UGT1A8: variants seen among roughly 807,000 people sequenced by gnomAD.
UGT1A8 encodes the protein UDP-glucuronosyltransferase 1A8.
In UGT1A8, 39 loss-of-function variants were observed where a neutral mutation model predicts 45.3. That is an observed-to-expected ratio of 0.86 (90% CI 0.67 to 1.12). UGT1A8 has a LOEUF of 1.12. Among genes scored for constraint, UGT1A8 ranks in the 50% most tolerant of loss-of-function variants. The probability of loss-of-function intolerance (pLI) is 0.00; values close to 1 mark genes in which losing one functional copy is unlikely to be tolerated. For synonymous variants in UGT1A8, 275 were observed against 249.2 expected (o/e 1.10, Z -0.97); for missense variants, 719 against 664.9 (o/e 1.08, Z -0.90).
rs1268125630 is a variant in UGT1A8 at position 233,618,378 on chromosome 2, C to T, written c.671C>T (p.Ser224Phe). 6.2e-7 allele frequency: 1 copy of T among 1,613,718 alleles called. No individual in the cohort carries two copies. Among genetic ancestry groups the T allele is most frequent in the South Asian group, 1.1e-5 (1 of 91,068 alleles). Residue 224 changes from serine (S) to phenylalanine (F), a missense_variant, in exon 1 of 5, where the codon TCC (serine) becomes TTC (phenylalanine). Ser to Phe is a radical substitution (Grantham distance 155). Coordinates refer to ENST00000373450, the MANE Select transcript of UGT1A8 (RefSeq NM_019076.5). The part of the protein sequence containing the change: ...LEEHLFCQYF[S>F]KNALEIASEI... Reference sequence around the variant, plus strand: ...GAACATTTATTTTGCCAGTATTTTTCCAAAAATGCCCTAGAAATAGCCTCT... The same window carrying T: ...GAACATTTATTTTGCCAGTATTTTTTCAAAAATGCCCTAGAAATAGCCTCT...
At chr2:233,754,297 C>G (rs1695445363) in intron 1 of UGT1A8, 1 of 235,612 alleles carries the variant, frequency 4.2e-6, no homozygotes, top group Non-Finnish European at 8.4e-6. Flanking sequence ...TGTCCTAGCA[C>G]TAGGAAATAA....
intron 1 of UGT1A8, among the ~76,000 whole-genome samples, chr2:233,757,413 A>T (rs1189718931): frequency 6.6e-6 from 1 of 151,560 alleles, no homozygotes; most frequent in Non-Finnish European, 1.5e-5. Context: ...AGGGTCTAGA[A>T]CGAAAAGAGA....
At chr2:233,660,491 G>A (rs1113193) in intron 1 of UGT1A8, among the ~76,000 whole-genome samples, 43,429 of 152,038 alleles carry the variant, frequency 0.29, 6,696 homozygotes, top group African/African-American at 0.39. Flanking sequence ...GAGACAAAGC[G>A]TTGGTTTTCA....
intron 1 of UGT1A8, among the ~76,000 whole-genome samples, chr2:233,746,573 G>A (rs1403247476): frequency 6.6e-6 from 1 of 151,756 alleles, no homozygotes; most frequent in Admixed American, 6.5e-5. Flanking sequence ...ACCACACCCT[G>A]TAATTGCCTA....
chr2:233,674,457 C>A (rs1297028136), intron 1 of UGT1A8, among the ~76,000 whole-genome samples: 1 of 152,120 alleles, frequency 6.6e-6, no homozygotes, highest in African/African-American at 2.4e-5. Context: ...CACCCCACAA[C>A]CTTTGGCTGA....
In UGT1A8 at chr2:233,673,930, C is replaced by T. The variant is rs543938287; in HGVS notation, c.855+55368C>T. Among the ~76,000 whole-genome samples the T allele has an allele frequency of 3.3e-5, 5 of 152,246 alleles. No individual in the cohort carries two copies. In the East Asian group the frequency reaches 9.6e-4, roughly 29 times the overall value. On this transcript the variant is annotated intron_variant, in intron 1 of 4. Coordinates refer to ENST00000373450, the MANE Select transcript of UGT1A8 (RefSeq NM_019076.5). ...TGCTGGAGCTTATACTTCCAAAGCACTATTGAGTAATATTGTGAGAGTAGC... is the reference window on the plus strand; with the variant it reads ...TGCTGGAGCTTATACTTCCAAAGCATTATTGAGTAATATTGTGAGAGTAGC...
chr2:233,729,069 G>A (rs983244934), intron 1 of UGT1A8: 166 of 1,611,318 alleles, frequency 1.0e-4, no homozygotes, highest in Non-Finnish European at 1.2e-4. Flanking sequence ...GATGAAGAAA[G>A]CAAATGTAGC....
At chr2:233,630,838 C>CTT (rs35150625) in intron 1 of UGT1A8, among the ~76,000 whole-genome samples, 2 of 139,520 alleles carry the variant, frequency 1.4e-5, no homozygotes, top group African/African-American at 2.6e-5. Flanking sequence ...CTCTAAAACT[C>CTT]TTTTTTTTTT....
intron 1 of UGT1A8, among the ~76,000 whole-genome samples, chr2:233,623,466 T>A (rs1171124568): frequency 7.2e-5 from 11 of 152,180 alleles, no homozygotes; most frequent in Non-Finnish European, 1.6e-4. Context: ...GATTCCTAGG[T>A]GTTTTATTCT....
chr2:233,765,829 A>G (rs1183192876), intron 1 of UGT1A8, among the ~76,000 whole-genome samples: 1 of 152,104 alleles, frequency 6.6e-6, no homozygotes, highest in East Asian at 1.9e-4. Flanking sequence ...TGAAACAGGA[A>G]AACTTTCCTT....
chr2:233,690,512 T>C, intron 1 of UGT1A8: 1 of 1,289,818 alleles, frequency 7.8e-7, no homozygotes, highest in Non-Finnish European at 1.0e-6. Flanking sequence ...AGATTTGTTT[T>C]ATCTTAGGAT....
intron 1 of UGT1A8, among the ~76,000 whole-genome samples, chr2:233,761,486 A>C (rs1697783062): frequency 6.6e-6 from 1 of 152,228 alleles, no homozygotes; most frequent in South Asian, 2.1e-4. Flanking sequence ...TGAAGCCTGC[A>C]CCTTGCCCTG....
At chr2:233,682,216 T>TG (rs1186341216) in intron 1 of UGT1A8, 2 of 1,614,148 alleles carry the variant, frequency 1.2e-6, no homozygotes, top group African/African-American at 2.7e-5. Context: ...TCATGGTTTT[T>TG]GCCGATGCTC....
At chr2:233,625,068 A>G (rs1482664270) in intron 1 of UGT1A8, among the ~76,000 whole-genome samples, 2 of 152,126 alleles carry the variant, frequency 1.3e-5, no homozygotes, top group Non-Finnish European at 2.9e-5. Flanking sequence ...AAGCCTTACC[A>G]ATAGTATAAA....
intron 1 of UGT1A8, among the ~76,000 whole-genome samples, chr2:233,655,730 C>T (rs1385693974): frequency 6.6e-6 from 1 of 152,212 alleles, no homozygotes; most frequent in Non-Finnish European, 1.5e-5. Context: ...TCAGGCAAGT[C>T]TCTCCTGTCC....
intron 1 of UGT1A8, among the ~76,000 whole-genome samples, chr2:233,624,259 A>G (rs1017961526): frequency 2.0e-5 from 3 of 152,088 alleles, no homozygotes; most frequent in African/African-American, 2.4e-5. Context: ...AGTCTCCTCC[A>G]GCCTGTGACA....
chr2:233,699,456 A>T (rs1190557826), intron 1 of UGT1A8, among the ~76,000 whole-genome samples: 1 of 152,192 alleles, frequency 6.6e-6, no homozygotes, highest in African/African-American at 2.4e-5. Flanking sequence ...CCTTAGAACA[A>T]AGGAGGTCAG....
intron 1 of UGT1A8, among the ~76,000 whole-genome samples, chr2:233,625,695 C>T (rs2073075169): frequency 6.6e-6 from 1 of 151,656 alleles, no homozygotes; most frequent in Admixed American, 6.6e-5. Context: ...AGGCACAGAA[C>T]ACCAAATACC....
chr2:233,669,777 G>A (rs368360684), intron 1 of UGT1A8, among the ~76,000 whole-genome samples: 3 of 151,950 alleles, frequency 2.0e-5, no homozygotes, highest in Admixed American at 6.6e-5. Context: ...TCCGCTTCCC[G>A]GGTTCAAGTG....
Sources: allele counts gnomAD v4.1 joint callset (sites outside exome capture counted in the v4.1 genomes callset), GRCh38; gene constraint gnomAD v4.1.1; transcripts MANE v1.5; gene names NCBI Gene and HGNC (gene_info 2026-07-23, HGNC 2026-07-21).